Variants in PARD3 observed in about 807,000 individuals in gnomAD.
The protein encoded by PARD3 is par-3 family cell polarity regulator, also known as partitioning defective 3 homolog.
A neutral mutation model predicts 155.4 loss-of-function variants in PARD3; 75 were observed. That is an observed-to-expected ratio of 0.48 (90% CI 0.40 to 0.58). The LOEUF (loss-of-function observed/expected upper bound fraction) is 0.58. Among genes scored for constraint, PARD3 ranks in the 20% least tolerant of loss-of-function variants. The pLI, the probability that PARD3 is intolerant of heterozygous loss-of-function variation, is 0.00. For missense variants in PARD3, 1,642 were observed against 1,721.7 expected (o/e 0.95, Z 0.82); for synonymous variants, 576 against 610.5 (o/e 0.94, Z 0.83).
chr10:34,464,375 A>G (rs138083386), intron 4 of PARD3, among the ~76,000 whole-genome samples: 1 of 152,014 alleles, frequency 6.6e-6, no homozygotes, highest in South Asian at 2.1e-4. Context: ...CTCCTATCCT[A>G]TTTATCTAGG....
At chr10:34,629,707 T>G (rs1431908485) in intron 2 of PARD3, among the ~76,000 whole-genome samples, 1 of 152,230 alleles carries the variant, frequency 6.6e-6, no homozygotes, top group East Asian at 1.9e-4. Context: ...GATAAAACAC[T>G]TCATCTGGTT....
intron 22 of PARD3, among the ~76,000 whole-genome samples, chr10:34,145,175 T>TTG (rs756883064): frequency 6.1e-4 from 70 of 115,118 alleles, no homozygotes; most frequent in African/African-American, 1.7e-3. Context: ...CAACTCTTCA[T>TTG]TGTGTGTGTG....
chr10:34,304,565 C>G (rs189540597), intron 20 of PARD3, among the ~76,000 whole-genome samples: 2 of 152,124 alleles, frequency 1.3e-5, no homozygotes, highest in African/African-American at 4.8e-5. Context: ...CAAAACCTAC[C>G]CGGAAGGGTA....
At chr10:34,605,435 C>T (rs1276301550) in intron 2 of PARD3, among the ~76,000 whole-genome samples, 9 of 146,560 alleles carry the variant, frequency 6.1e-5, no homozygotes, top group African/African-American at 1.2e-4. Context: ...CCTCATGATC[C>T]GCCCACCTCG....
intron 2 of PARD3, among the ~76,000 whole-genome samples, chr10:34,681,769 T>TATATATATATA (rs1491145185): frequency 2.5e-3 from 36 of 14,540 alleles, no homozygotes; most frequent in Admixed American, 3.4e-3. Context: ...TATATATATA[T>TATATATATATA]TTTTTTTTTT....
intron 7 of PARD3, among the ~76,000 whole-genome samples, chr10:34,399,116 T>C (rs1354406041): frequency 6.6e-6 from 1 of 152,210 alleles, no homozygotes; most frequent in East Asian, 1.9e-4. Context: ...ATAATTCAAA[T>C]GCAGTTTCTT....
intron 12 of PARD3, among the ~76,000 whole-genome samples, chr10:34,361,939 A>T (rs2134513810): frequency 1.3e-5 from 2 of 152,354 alleles, no homozygotes; most frequent in East Asian, 3.9e-4. Context: ...TTATGATCAA[A>T]GTCCAAATAA....
intron 2 of PARD3, among the ~76,000 whole-genome samples, chr10:34,581,929 G>C (rs2087532174): frequency 6.6e-6 from 1 of 152,136 alleles, no homozygotes; most frequent in South Asian, 2.1e-4. Flanking sequence ...TGATTTATTG[G>C]CTAACTAAAG....
intron 22 of PARD3, among the ~76,000 whole-genome samples, chr10:34,203,696 G>A (rs927270268): frequency 1.3e-5 from 2 of 152,192 alleles, no homozygotes; most frequent in African/African-American, 2.4e-5. Flanking sequence ...TTTTTTCCCC[G>A]GGTATTTATG....
intron 23 of PARD3, among the ~76,000 whole-genome samples, chr10:34,131,164 C>T (rs1947589488): frequency 6.6e-6 from 1 of 152,160 alleles, no homozygotes; most frequent in East Asian, 1.9e-4. Flanking sequence ...TATGTATCTA[C>T]AGAAAAATAT....
chr10:34,309,390 C>A, intron 20 of PARD3, among the ~76,000 whole-genome samples: 1 of 151,614 alleles, frequency 6.6e-6, no homozygotes, highest in East Asian at 2.0e-4. Flanking sequence ...GAGATCCCAC[C>A]TCTATATAAA....
At chr10:34,293,645 T>C (rs546213516) in intron 20 of PARD3, among the ~76,000 whole-genome samples, 149 of 152,316 alleles carry the variant, frequency 9.8e-4, no homozygotes, top group Middle Eastern at 3.4e-3. Context: ...TTCCTAATTC[T>C]TGTGCTGTTC....
At chr10:34,274,886 C>T (rs139095005) in intron 21 of PARD3, among the ~76,000 whole-genome samples, 47 of 152,234 alleles carry the variant, frequency 3.1e-4, no homozygotes, top group African/African-American at 9.4e-4. Context: ...GAGGCATAAA[C>T]CTAAATAATC....
intron 1 of PARD3, among the ~76,000 whole-genome samples, chr10:34,697,824 T>G (rs2094203950): frequency 4.0e-5 from 6 of 150,492 alleles, no homozygotes. Flanking sequence ...GTGGGGCCTA[T>G]TCTGACTGCA....
intron 22 of PARD3, among the ~76,000 whole-genome samples, chr10:34,178,930 T>C (rs904123437): frequency 1.3e-5 from 2 of 152,094 alleles, no homozygotes; most frequent in African/African-American, 4.8e-5. Context: ...AAACAAGAAT[T>C]AGTGTCAGGA....
chr10:34,392,873 T>C (rs553163869), intron 7 of PARD3, among the ~76,000 whole-genome samples: 41 of 152,298 alleles, frequency 2.7e-4, no homozygotes, highest in African/African-American at 9.4e-4. Flanking sequence ...TGAAAAATAC[T>C]AGAATGTAAA....
chr10:34,747,065 G>A (rs1362020433), intron 1 of PARD3, among the ~76,000 whole-genome samples: 1 of 152,152 alleles, frequency 6.6e-6, no homozygotes, highest in East Asian at 1.9e-4. Context: ...TGGAAACCAA[G>A]TATCTTCAAT....
At chr10:34,502,153 C>G (rs1469845306) in intron 3 of PARD3, among the ~76,000 whole-genome samples, 2 of 152,174 alleles carry the variant, frequency 1.3e-5, no homozygotes, top group African/African-American at 4.8e-5. Flanking sequence ...CTAAGGTATT[C>G]TGTTGAAGCA....
chr10:34,542,889 G>A (rs972055220), intron 2 of PARD3, among the ~76,000 whole-genome samples: 2 of 152,098 alleles, frequency 1.3e-5, no homozygotes, highest in African/African-American at 4.8e-5. Flanking sequence ...CTATTTTCCA[G>A]AATTTTTGTT....
Sources: gnomAD v4.1 joint callset for allele counts (sites outside exome capture counted in the v4.1 genomes callset) on GRCh38, gnomAD v4.1.1 for gene constraint, MANE v1.5 for transcripts, NCBI Gene and HGNC (gene_info 2026-07-23, HGNC 2026-07-21) for gene names.